The following KIAA0825 variants were observed in gnomAD, a reference collection of about 807,000 sequenced individuals.
KIAA0825 encodes the protein KIAA0825, also known as uncharacterized protein KIAA0825.
A neutral mutation model predicts 147.6 loss-of-function variants in KIAA0825; 119 were observed. The ratio of observed to expected loss-of-function variants is 0.81; its 90% CI spans 0.69 to 0.94. The LOEUF (loss-of-function observed/expected upper bound fraction) is 0.94, where lower values mean the gene tolerates loss of function less well. Among genes scored for constraint, KIAA0825 ranks in the 40% least tolerant of loss-of-function variants. The pLI is 0.00. For synonymous variants in KIAA0825, 470 were observed against 518.1 expected (o/e 0.91, Z 1.26); for missense variants, 1,381 against 1,472.7 (o/e 0.94, Z 1.02).
At chr5:94,320,002 T>C (rs1289542452) in intron 20 of KIAA0825, among the ~76,000 whole-genome samples, 1 of 152,000 alleles carries the variant, frequency 6.6e-6, no homozygotes, top group Non-Finnish European at 1.5e-5. Context: ...TTTCTGTCTC[T>C]GAACAGAATA....
intron 20 of KIAA0825, among the ~76,000 whole-genome samples, chr5:94,341,684 G>A (rs1782408260): frequency 6.6e-6 from 1 of 152,042 alleles, no homozygotes; most frequent in Admixed American, 6.6e-5. Context: ...TAAGAGAGGT[G>A]AAGAGAGGTC....
intron 15 of KIAA0825, among the ~76,000 whole-genome samples, chr5:94,405,835 C>A (rs539999375): frequency 1.6e-4 from 25 of 152,290 alleles, no homozygotes; most frequent in African/African-American, 5.8e-4. Flanking sequence ...ATGCCATACC[C>A]ATCCACTCCT....
In KIAA0825 at chr5:94,520,763, T is replaced by C; in HGVS notation, c.455A>G (p.Asn152Ser). 1.2e-6 allele frequency: 2 copies of C among 1,613,296 alleles called. No individual in the cohort carries two copies. The highest frequency in any genetic ancestry group is 8.5e-7 in the Non-Finnish European group (1 of 1,179,414). The change falls in exon 5 of 21, where the codon AAT (asparagine) becomes AGT (serine). Residue 152 changes from asparagine (N) to serine (S), a missense_variant. Coordinates refer to ENST00000682413, the MANE Select transcript of KIAA0825 (RefSeq NM_001145678.3). ...CATAGACTTGACATCCATAGAGGAA[T>C]TATCTTCAACAGAATGAAGAGACGT... Reference protein sequence around the residue: ...SRTSLHSVEDNSSMDVKSMWD... With the variant: ...SRTSLHSVEDSSSMDVKSMWD...
intron 1 of KIAA0825, among the ~76,000 whole-genome samples, chr5:94,610,042 T>G (rs1238231939): frequency 6.6e-6 from 1 of 152,212 alleles, no homozygotes; most frequent in Non-Finnish European, 1.5e-5. Flanking sequence ...TACATTGTTA[T>G]GTGATTATAC....
chr5:94,236,491 G>A (rs1775044922), intron 20 of KIAA0825, among the ~76,000 whole-genome samples: 1 of 152,158 alleles, frequency 6.6e-6, no homozygotes. Flanking sequence ...TGGTGAAGGT[G>A]CTTTAAACAC....
At chr5:94,220,278 C>T (rs2150062476) in intron 20 of KIAA0825, among the ~76,000 whole-genome samples, 1 of 152,260 alleles carries the variant, frequency 6.6e-6, no homozygotes, top group Middle Eastern at 3.4e-3. Context: ...GGCAATAACA[C>T]ACATGGGGCT....
intron 6 of KIAA0825, among the ~76,000 whole-genome samples, chr5:94,481,933 A>C (rs955409198): frequency 2.0e-5 from 3 of 152,050 alleles, no homozygotes; most frequent in African/African-American, 7.2e-5. Context: ...CTTTGGAAAA[A>C]TTGAGGAATT....
At position 94,313,838 on chromosome 5, in the gene KIAA0825, C is replaced by T. The variant is rs149432127; in HGVS notation, c.3710+70530G>A. Among the ~76,000 whole-genome samples the T allele has an allele frequency of 6.5e-3, 989 of 151,650 alleles. 9 individuals carry two copies. Among genetic ancestry groups the T allele is most frequent in the African/African-American group, 0.022 (931 of 41,448 alleles). ...ACAGCCTAGCTGGACCTTTACCTTA[C>T]GGCTGCCCCACATTTATTGTTCTTT... On this transcript the variant is annotated intron_variant, in intron 20 of 20. Transcript: ENST00000682413.
intron 14 of KIAA0825, among the ~76,000 whole-genome samples, chr5:94,432,196 T>C (rs945018519): frequency 6.6e-6 from 1 of 152,198 alleles, no homozygotes; most frequent in Non-Finnish European, 1.5e-5. Context: ...ATATCCCTGC[T>C]ACAGAGAAAG....
At chr5:94,492,131 C>T (rs1437140367) in intron 5 of KIAA0825, among the ~76,000 whole-genome samples, 2 of 152,152 alleles carry the variant, frequency 1.3e-5, no homozygotes, top group Non-Finnish European at 1.5e-5. Context: ...CTTCTGGTGT[C>T]GCCATCCCAC....
At chr5:94,601,573 C>T (rs192294154) in intron 1 of KIAA0825, among the ~76,000 whole-genome samples, 228 of 152,174 alleles carry the variant, frequency 1.5e-3, no homozygotes, top group African/African-American at 5.3e-3. Context: ...CAGAAGTAGA[C>T]CTCAGAATGT....
intron 5 of KIAA0825, among the ~76,000 whole-genome samples, chr5:94,489,023 C>G (rs1763394494): frequency 6.6e-6 from 1 of 152,162 alleles, no homozygotes; most frequent in Admixed American, 6.5e-5. Flanking sequence ...GTATTTATAT[C>G]TGCCTTACAG....
At chr5:94,415,338 G>A (rs1024100711) in intron 15 of KIAA0825, 1 of 152,050 alleles carries the variant, frequency 6.6e-6, no homozygotes, top group African/African-American at 2.4e-5. Context: ...GTAATAAAAT[G>A]TAAATATTGC....
At chr5:94,195,815 T>C (rs555587632) in intron 20 of KIAA0825, among the ~76,000 whole-genome samples, 1 of 152,192 alleles carries the variant, frequency 6.6e-6, no homozygotes, top group Non-Finnish European at 1.5e-5. Context: ...TTCTTCAAAC[T>C]TTTTCTTCTT....
chr5:94,614,778 A>T (rs1789953402), intron 1 of KIAA0825, among the ~76,000 whole-genome samples: 1 of 152,104 alleles, frequency 6.6e-6, no homozygotes, highest in South Asian at 2.1e-4. Context: ...CCCTACATAT[A>T]ATTATTTGTT....
chr5:94,420,634 C>T (rs1234329013), intron 14 of KIAA0825, among the ~76,000 whole-genome samples: 3 of 151,888 alleles, frequency 2.0e-5, no homozygotes, highest in Admixed American at 6.6e-5. Context: ...TATCTTCCAA[C>T]GGCACCTGGA....
chr5:94,315,521 A>G (rs1275333481), intron 20 of KIAA0825, among the ~76,000 whole-genome samples: 1 of 151,720 alleles, frequency 6.6e-6, no homozygotes, highest in Non-Finnish European at 1.5e-5. Flanking sequence ...CATGAGAAAA[A>G]GGGATGGATG....
intron 20 of KIAA0825, among the ~76,000 whole-genome samples, chr5:94,255,460 G>A (rs1437982193): frequency 6.6e-6 from 1 of 151,962 alleles, no homozygotes; most frequent in East Asian, 1.9e-4. Flanking sequence ...AGCTATGGAA[G>A]GTAGAGATGT....
intron 3 of KIAA0825, among the ~76,000 whole-genome samples, chr5:94,535,493 CAAAAAAAAA>C (rs11362220): frequency 9.3e-5 from 3 of 32,136 alleles, no homozygotes; most frequent in African/African-American, 1.9e-4. Flanking sequence ...CTGGGTGACT[CAAAAAAAAA>C]AAAAAAAAAA....
Sources: allele counts gnomAD v4.1 joint callset (sites outside exome capture counted in the v4.1 genomes callset), GRCh38; gene constraint gnomAD v4.1.1; transcripts MANE v1.5; gene names NCBI Gene and HGNC (gene_info 2026-07-23, HGNC 2026-07-21).